The following PCMTD1 variants were observed in gnomAD, a reference collection of about 807,000 sequenced individuals.
The protein encoded by PCMTD1 is protein-L-isoaspartate O-methyltransferase domain-containing protein 1.
In PCMTD1, 12 loss-of-function variants were observed where a neutral mutation model predicts 37.6. That is an observed-to-expected ratio of 0.32 (90% CI 0.20 to 0.52). The LOEUF (loss-of-function observed/expected upper bound fraction) is 0.52, where lower values mean the gene tolerates loss of function less well. Ranked by LOEUF, PCMTD1 falls within the 20% of genes least tolerant of loss-of-function variation. The pLI is 0.97. For missense variants in PCMTD1, 235 were observed against 421.3 expected, an observed-to-expected ratio of 0.56 and a Z score of 3.87; for synonymous variants, 117 against 135.8, an observed-to-expected ratio of 0.86 and a Z score of 0.96.
intron 5 of PCMTD1, among the ~76,000 whole-genome samples, chr8:51,827,807 A>AT (rs1408962139): frequency 5.3e-5 from 8 of 152,098 alleles, no homozygotes; most frequent in East Asian, 3.9e-4. Context: ...GGTATAATGG[A>AT]TTTTTTTTAA....
At chr8:51,849,224 C>T (rs879673047) in intron 2 of PCMTD1, 1 of 151,534 alleles carries the variant, frequency 6.6e-6, no homozygotes, top group Non-Finnish European at 1.5e-5. Context: ...ATAACTTTTT[C>T]AATTAAAAAA....
At chr8:51,891,867 C>CCCA (rs71252920) in intron 1 of PCMTD1, among the ~76,000 whole-genome samples, 9,338 of 151,918 alleles carry the variant, frequency 0.061, 373 homozygotes, top group Non-Finnish European at 0.087. Flanking sequence ...TACCTGGTAT[C>CCCA]CCACCACCAC....
At chr8:51,868,368 A>T (rs2038590224) in intron 1 of PCMTD1, among the ~76,000 whole-genome samples, 1 of 152,126 alleles carries the variant, frequency 6.6e-6, no homozygotes, top group South Asian at 2.1e-4. Context: ...GAAAAGCAGC[A>T]TCTTAGTTAG....
At chr8:51,868,621 A>C (rs2038593969) in intron 1 of PCMTD1, among the ~76,000 whole-genome samples, 1 of 152,158 alleles carries the variant, frequency 6.6e-6, no homozygotes, top group Non-Finnish European at 1.5e-5. Flanking sequence ...AAATTTCCTA[A>C]GGAATAAAAA....
At chr8:51,829,010 C>G (rs1281474288) in intron 5 of PCMTD1, among the ~76,000 whole-genome samples, 1 of 152,068 alleles carries the variant, frequency 6.6e-6, no homozygotes, top group African/African-American at 2.4e-5. Context: ...GGATTAAAGT[C>G]CTTTTTGTAA....
chr8:51,860,146 C>A (rs915214386), intron 2 of PCMTD1, among the ~76,000 whole-genome samples: 2 of 152,226 alleles, frequency 1.3e-5, no homozygotes, highest in Non-Finnish European at 2.9e-5. Context: ...TATTTAACCT[C>A]CCAGTGCCTT....
intron 1 of PCMTD1, among the ~76,000 whole-genome samples, chr8:51,867,476 G>GGTGTGTGT (rs59206546): frequency 6.4e-4 from 90 of 141,586 alleles, no homozygotes; most frequent in Middle Eastern, 3.6e-3. Context: ...TAAAGAAAAT[G>GGTGTGTGT]GTGTGTGTGT....
intron 3 of PCMTD1, among the ~76,000 whole-genome samples, chr8:51,839,035 G>T (rs1403155674): frequency 6.6e-6 from 1 of 151,910 alleles, no homozygotes; most frequent in Non-Finnish European, 1.5e-5. Context: ...CTTGATTTAG[G>T]AGTTCATTAA....
At chr8:51,860,118 C>T (rs1461375284) in intron 2 of PCMTD1, among the ~76,000 whole-genome samples, 1 of 152,186 alleles carries the variant, frequency 6.6e-6, no homozygotes, top group Non-Finnish European at 1.5e-5. Flanking sequence ...TTCCTAGATA[C>T]GTGACTTTCA....
chr8:51,893,291 G>A (rs1179633116), intron 1 of PCMTD1, among the ~76,000 whole-genome samples: 1 of 152,008 alleles, frequency 6.6e-6, no homozygotes, highest in African/African-American at 2.4e-5. Context: ...AGGGCACAAT[G>A]GCAGATATAA....
At chr8:51,867,756 A>T (rs2038578496) in intron 1 of PCMTD1, among the ~76,000 whole-genome samples, 1 of 152,018 alleles carries the variant, frequency 6.6e-6, no homozygotes, top group South Asian at 2.1e-4. Context: ...TGTGGAACCT[A>T]AAATGGTTAA....
At chr8:51,850,189 C>T (rs1228613137) in intron 2 of PCMTD1, 4 of 661,872 alleles carry the variant, frequency 6.0e-6, no homozygotes, top group Admixed American at 2.4e-5. Context: ...ACTGTAAGAC[C>T]GGTTCCCACT....
chr8:51,849,968 G>C, intron 2 of PCMTD1: 1 of 671,808 alleles, frequency 1.5e-6, no homozygotes, highest in Non-Finnish European at 2.7e-6. Flanking sequence ...TTAGTATTTT[G>C]TGTAAAGCTA....
chr8:51,895,971 A>G (rs1311078019), intron 1 of PCMTD1: 2 of 121,322 alleles, frequency 1.6e-5, no homozygotes, highest in Non-Finnish European at 3.2e-5. Context: ...TTTGAGACAG[A>G]GTCTCACTCT....
intron 3 of PCMTD1, among the ~76,000 whole-genome samples, chr8:51,842,785 C>G (rs911058725): frequency 6.6e-6 from 1 of 151,974 alleles, no homozygotes; most frequent in African/African-American, 2.4e-5. Flanking sequence ...CATGGTAATA[C>G]TTTTGAAAAG....
At chr8:51,876,616 G>T (rs1284477510) in intron 1 of PCMTD1, among the ~76,000 whole-genome samples, 1 of 152,116 alleles carries the variant, frequency 6.6e-6, no homozygotes, top group East Asian at 1.9e-4. Flanking sequence ...GAAAATATGA[G>T]TCTGAAACAC....
At chr8:51,832,539 A>G (rs2129276150) in intron 4 of PCMTD1, among the ~76,000 whole-genome samples, 1 of 152,344 alleles carries the variant, frequency 6.6e-6, no homozygotes, top group East Asian at 1.9e-4. Context: ...CCTCTACTAT[A>G]CAACTACAAG....
intron 1 of PCMTD1, among the ~76,000 whole-genome samples, chr8:51,872,088 T>C (rs1585839386): frequency 6.6e-6 from 1 of 152,220 alleles, no homozygotes; most frequent in East Asian, 1.9e-4. Context: ...TTTTAGCGTA[T>C]AATATTTGAA....
chr8:51,865,819 T>C (rs1197970978), intron 1 of PCMTD1, among the ~76,000 whole-genome samples: 1 of 151,180 alleles, frequency 6.6e-6, no homozygotes, highest in Non-Finnish European at 1.5e-5. Context: ...GCTGGAACAA[T>C]TAAACAAGAA....
Sources: allele counts gnomAD v4.1 joint callset (sites outside exome capture counted in the v4.1 genomes callset), GRCh38; gene constraint gnomAD v4.1.1; transcripts MANE v1.5; gene names NCBI Gene and HGNC (gene_info 2026-07-23, HGNC 2026-07-21).